ZFAT: variants seen among roughly 807,000 people sequenced by gnomAD.
The protein encoded by ZFAT is zinc finger and AT-hook domain containing, also known as zinc finger protein ZFAT.
Under a neutral mutation model 117.7 loss-of-function variants are expected in ZFAT, and 64 were observed. That is an observed-to-expected ratio of 0.54 (90% confidence interval 0.44 to 0.67). The LOEUF (loss-of-function observed/expected upper bound fraction) is 0.67, where lower values mean the gene tolerates loss of function less well. Among genes scored for constraint, ZFAT ranks in the 30% least tolerant of loss-of-function variants. ZFAT has a pLI of 0.00. For synonymous variants in ZFAT, 679 were observed against 615.0 expected (o/e 1.10, Z -1.54); for missense variants, 1,433 against 1,584.5 (o/e 0.90, Z 1.62).
At chr8:134,804,855 G>A in the ZFAT span, 1 of 534,042 alleles carries the variant, frequency 1.9e-6, no homozygotes. Flanking sequence ...ATTATATCAA[G>A]AGGATGTCTG....
the ZFAT span, chr8:134,793,732 C>CGGTGGG: frequency 1.1e-4 from 17 of 148,322 alleles, no homozygotes; most frequent in African/African-American, 4.2e-4. Flanking sequence ...GTCAAGAGTC[C>CGGTGGG]GGGGGCTGGA....
chr8:134,518,585 C>CTTATCTCT (rs976332594), intron 13 of ZFAT, among the ~76,000 whole-genome samples: 4 of 152,012 alleles, frequency 2.6e-5, no homozygotes, highest in African/African-American at 9.7e-5. Context: ...CTGAACCTTT[C>CTTATCTCT]TTATCTCTTG....
At chr8:134,707,293 G>A (rs895337386) in intron 1 of ZFAT, among the ~76,000 whole-genome samples, 1 of 152,084 alleles carries the variant, frequency 6.6e-6, no homozygotes, top group Non-Finnish European at 1.5e-5. Context: ...ATTCCTACAG[G>A]AATCCGTTTT....
At chr8:134,815,397 T>C in the ZFAT span, among the ~76,000 whole-genome samples, 9 of 152,238 alleles carry the variant, frequency 5.9e-5, 1 homozygote, top group Non-Finnish European at 1.2e-4. Flanking sequence ...TTTACCCTCA[T>C]GTTTCTTGGC....
At chr8:134,763,662 C>T in the ZFAT span, among the ~76,000 whole-genome samples, 1 of 152,170 alleles carries the variant, frequency 6.6e-6, no homozygotes, top group Non-Finnish European at 1.5e-5. Context: ...ATCCTCGTGC[C>T]TAGAACAGTG....
At chr8:134,528,740 G>T (rs914613390) in intron 12 of ZFAT, among the ~76,000 whole-genome samples, 3 of 152,272 alleles carry the variant, frequency 2.0e-5, no homozygotes, top group East Asian at 3.9e-4. Flanking sequence ...CCGCTCCAGG[G>T]CACAGCTGAA....
At chr8:134,684,313 T>C (rs1055537110) in intron 1 of ZFAT, among the ~76,000 whole-genome samples, 1 of 152,226 alleles carries the variant, frequency 6.6e-6, no homozygotes, top group Non-Finnish European at 1.5e-5. Flanking sequence ...AGGAATTACA[T>C]GTGTAATCCA....
intron 11 of ZFAT, among the ~76,000 whole-genome samples, chr8:134,538,719 C>G (rs1423964737): frequency 6.6e-6 from 1 of 150,612 alleles, no homozygotes; most frequent in African/African-American, 2.5e-5. Context: ...ATTGCTTGAA[C>G]CTGGGAGACA....
chr8:134,669,298 T>C (rs546659023), intron 1 of ZFAT, among the ~76,000 whole-genome samples: 2 of 152,102 alleles, frequency 1.3e-5, no homozygotes, highest in Admixed American at 1.3e-4. Context: ...GACAAACAAT[T>C]GTCAGATTCA....
intron 11 of ZFAT, among the ~76,000 whole-genome samples, chr8:134,547,129 G>T (rs992922565): frequency 6.6e-6 from 1 of 152,158 alleles, no homozygotes; most frequent in Non-Finnish European, 1.5e-5. Context: ...GAAGTTAAGC[G>T]GCTTGCTGAA....
intron 12 of ZFAT, among the ~76,000 whole-genome samples, chr8:134,528,718 A>C (rs971045633): frequency 2.0e-5 from 3 of 152,154 alleles, no homozygotes; most frequent in African/African-American, 7.2e-5. Context: ...CCTCTGGGAG[A>C]AGCAGCTAAC....
the ZFAT span, chr8:134,793,736 G>GGGGGA: frequency 1.3e-5 from 2 of 151,934 alleles, no homozygotes; most frequent in African/African-American, 2.4e-5. Flanking sequence ...AGAGTCCGGG[G>GGGGGA]GCTGGAGACT....
At chr8:134,559,740 T>C (rs184272857) in intron 11 of ZFAT, among the ~76,000 whole-genome samples, 5 of 152,304 alleles carry the variant, frequency 3.3e-5, no homozygotes, top group African/African-American at 7.2e-5. Flanking sequence ...AAAAATGGTA[T>C]CTTAATGTAG....
At chr8:134,653,330 G>A (rs1160538689) in intron 2 of ZFAT, among the ~76,000 whole-genome samples, 1 of 144,342 alleles carries the variant, frequency 6.9e-6, no homozygotes, top group Non-Finnish European at 1.5e-5. Flanking sequence ...AGGCTGGAGT[G>A]CAGTGGTGCA....
At chr8:134,525,410 CTA>C (rs1288265151) in intron 12 of ZFAT, among the ~76,000 whole-genome samples, 4 of 152,310 alleles carry the variant, frequency 2.6e-5, no homozygotes, top group African/African-American at 9.6e-5. Context: ...TCTCAGGCTG[CTA>C]TGTTTATGTA....
intron 1 of ZFAT, among the ~76,000 whole-genome samples, chr8:134,684,746 T>C (rs1833238915): frequency 6.6e-6 from 1 of 152,340 alleles, no homozygotes; most frequent in East Asian, 1.9e-4. Context: ...GGAAAAGGCA[T>C]TCTTGGCACA....
the ZFAT span, among the ~76,000 whole-genome samples, chr8:134,825,742 T>C: frequency 3.3e-3 from 501 of 152,302 alleles, 2 homozygotes; most frequent in Middle Eastern, 0.02. Flanking sequence ...GTCCTCAGGC[T>C]GGGCGCGGTG....
chr8:134,610,538 G>A lies in ZFAT; in HGVS notation c.566C>T (p.Ala189Val). The change falls in exon 4 of 16, where the codon GCC becomes GTC. Residue 189 changes from alanine to valine, a missense_variant. Physicochemically the swap from Ala to Val is moderately conservative, Grantham distance 64 (BLOSUM62 0). Transcript: ENST00000377838. Reference protein sequence around the residue: ...EKVQKISGKEARQLSGAKKPI... With the variant: ...EKVQKISGKEVRQLSGAKKPI... ...TTTCTTCGCCCCAGAAAGCTGTCTG[G>A]CCTCCTTTCCTGAGATCTTCTGGAC... is the stretch of plus-strand genomic sequence containing the variant. The A allele has an allele frequency of 1.2e-6, 2 of 1,614,138 alleles. No individual in the cohort carries two copies. The highest frequency in any genetic ancestry group is 1.7e-6 in the Non-Finnish European group (2 of 1,180,032).
At chr8:134,731,056 G>A in the ZFAT span, among the ~76,000 whole-genome samples, 1,643 of 152,224 alleles carry the variant, frequency 0.011, 16 homozygotes, top group Non-Finnish European at 0.018. Flanking sequence ...CATCAAAGTC[G>A]GGGGCAGAAA....
Sources: allele counts gnomAD v4.1 joint callset (sites outside exome capture counted in the v4.1 genomes callset), GRCh38; gene constraint gnomAD v4.1.1; transcripts MANE v1.5; gene names NCBI Gene and HGNC (gene_info 2026-07-23, HGNC 2026-07-21).